GPM6B: variants seen among roughly 807,000 people sequenced by gnomAD.
GPM6B encodes neuronal membrane glycoprotein M6-b.
A neutral mutation model predicts 27.2 loss-of-function variants in GPM6B; 4 were observed. The observed-to-expected ratio is 0.15, with a 90% CI of 0.07 to 0.34. The LOEUF is 0.34. GPM6B is among the 10% of genes least tolerant of loss of function. The pLI is 1.00. For missense variants in GPM6B, 183 were observed against 261.9 expected (o/e 0.70, Z 2.08); for synonymous variants, 124 against 103.1 (o/e 1.20, Z -1.23).
At position 13,770,984 on chromosome X, in the gene GPM6B, ACTATTTCCAC is replaced by A. The variant is rs1470332654; in HGVS notation, c.*1887_*1896del. The A allele has an allele frequency of 8.9e-6, 1 of 112,693 alleles. No homozygotes were observed. Among genetic ancestry groups the A allele is most frequent in the Non-Finnish European group, 1.9e-5 (1 of 53,222 alleles). 9.3% of individuals were successfully genotyped at this position (112,693 alleles called of 1,213,427 possible). On this transcript the variant is annotated 3_prime_UTR_variant, in exon 8 of 8. Transcript: ENST00000316715. Reference sequence around the variant, plus strand: ...TTTCATTACTCTTAGTACATCCACAACTATTTCCACCTAAATAGATCTTTAAAATAAGCAT... The same window carrying A: ...TTTCATTACTCTTAGTACATCCACAACTAAATAGATCTTTAAAATAAGCAT...
intron 2 of GPM6B, among the ~76,000 whole-genome samples, chrX:13,789,508 G>A (rs1403845069): frequency 1.5e-4 from 17 of 112,105 alleles, no homozygotes; most frequent in African/African-American, 5.5e-4. Context: ...AGGCGCCGTG[G>A]CTCACGCCTG....
chrX:13,857,624 A>G (rs984515479), intron 1 of GPM6B, among the ~76,000 whole-genome samples: 4 of 112,625 alleles, frequency 3.6e-5, no homozygotes, highest in East Asian at 2.8e-4. Flanking sequence ...CATGTTTTAC[A>G]TAACTCAATA....
chrX:13,864,343 A>G (rs1258853806), intron 1 of GPM6B, among the ~76,000 whole-genome samples: 1 of 112,891 alleles, frequency 8.9e-6, no homozygotes, highest in Non-Finnish European at 1.9e-5. Flanking sequence ...CTCTTGTAGA[A>G]AGCACGTTAG....
intron 7 of GPM6B, 141 bp downstream of exon 7, chrX:13,776,097 G>A (rs2048408058): frequency 1.9e-6 from 1 of 514,010 alleles, no homozygotes; most frequent in Admixed American, 2.8e-5. Context: ...CATGTGGTAA[G>A]TTAACACAGG....
rs1395332792 is a variant in GPM6B, at chrX:13,926,345, T to G, written c.-198+11982A>C. Among the ~76,000 whole-genome samples the G allele has an allele frequency of 9.3e-5, 10 of 107,880 alleles. No individual in the cohort carries two copies. In the East Asian group the frequency reaches 2.9e-3, roughly 31 times the overall value. The allele number at this position is 107,880 out of a possible 115,157, so 93.7% of individuals were successfully genotyped here. A position where few individuals can be genotyped will look rare whatever the true frequency, so the allele number is the denominator to read the frequency against. ...ATGGCGTGAACCCAGGAGGCGGAGC[T>G]TGCAGTGAGCCCAGATTGCGCCACT... is the stretch of plus-strand genomic sequence containing the variant. On this transcript the variant is annotated intron_variant, in intron 1 of 6. Transcript: ENST00000398361.
intron 1 of GPM6B, among the ~76,000 whole-genome samples, chrX:13,833,441 A>G (rs1381414897): frequency 9.3e-6 from 1 of 107,713 alleles, no homozygotes; most frequent in Non-Finnish European, 1.9e-5. Context: ...TCAGCCAGGC[A>G]CTGTGGCTCA....
chrX:13,791,762 T>C (rs2048717777), intron 2 of GPM6B, among the ~76,000 whole-genome samples: 1 of 111,508 alleles, frequency 9.0e-6, no homozygotes, highest in African/African-American at 3.3e-5. Flanking sequence ...TGTGAGTTCA[T>C]AATGGCCAAG....
At chrX:13,901,970 G>A (rs745902859) in intron 1 of GPM6B, among the ~76,000 whole-genome samples, 1 of 112,121 alleles carries the variant, frequency 8.9e-6, no homozygotes, top group African/African-American at 3.2e-5. Flanking sequence ...ACAACACAAA[G>A]TTACACTAAA....
chrX:13,846,790 CTTTTT>C (rs10656571), intron 1 of GPM6B, among the ~76,000 whole-genome samples: 103 of 85,411 alleles, frequency 1.2e-3, no homozygotes, highest in African/African-American at 4.2e-3. Flanking sequence ...ACTGCGCCAG[CTTTTT>C]TTTTTTTTTT....
chrX:13,905,410 T>C (rs1480127928), intron 1 of GPM6B, among the ~76,000 whole-genome samples: 1 of 111,247 alleles, frequency 9.0e-6, no homozygotes, highest in African/African-American at 3.3e-5. Context: ...ACTCAGTGGC[T>C]GACGTGGAAT....
At chrX:13,915,674 A>AT (rs2050421552) in intron 1 of GPM6B, among the ~76,000 whole-genome samples, 1 of 112,244 alleles carries the variant, frequency 8.9e-6, no homozygotes, top group Non-Finnish European at 1.9e-5. Context: ...GACTCAGTAA[A>AT]TTTTTTTGCG....
At chrX:13,931,550 AAT>A (rs899004482) in intron 1 of GPM6B, among the ~76,000 whole-genome samples, 1 of 111,633 alleles carries the variant, frequency 9.0e-6, no homozygotes, top group African/African-American at 3.3e-5. Context: ...CGAGTAAATA[AAT>A]AGACATGGAA....
chrX:13,819,591 G>T (rs886131152), upstream of GPM6B, among the ~76,000 whole-genome samples: 1 of 112,158 alleles, frequency 8.9e-6, no homozygotes, highest in Non-Finnish European at 1.9e-5. Flanking sequence ...GCAGTTTCAC[G>T]TGGTTTGACT....
intron 1 of GPM6B, among the ~76,000 whole-genome samples, chrX:13,865,322 T>G (rs1353192642): frequency 9.1e-6 from 1 of 109,400 alleles, no homozygotes. Context: ...AAAGATCACA[T>G]GCACATGCGG....
intron 2 of GPM6B, among the ~76,000 whole-genome samples, chrX:13,795,432 T>G (rs2048791848): frequency 9.0e-6 from 1 of 111,385 alleles, no homozygotes; most frequent in Non-Finnish European, 1.9e-5. Context: ...ACTCCTCCAT[T>G]CTCCAAGCAC....
intron 1 of GPM6B, among the ~76,000 whole-genome samples, chrX:13,832,930 G>A (rs776340230): frequency 5.4e-5 from 6 of 112,007 alleles, no homozygotes; most frequent in Non-Finnish European, 9.4e-5. Flanking sequence ...TGTTTTCATA[G>A]CACAGAATCT....
chrX:13,799,167 A>G (rs928033388), intron 2 of GPM6B, among the ~76,000 whole-genome samples: 2 of 102,169 alleles, frequency 2.0e-5, no homozygotes, highest in East Asian at 6.1e-4. Flanking sequence ...AGATGATTCT[A>G]GAAACCTCGA....
chrX:13,919,930 A>G (rs1207656151), intron 1 of GPM6B, among the ~76,000 whole-genome samples: 1 of 111,043 alleles, frequency 9.0e-6, no homozygotes, highest in African/African-American at 3.3e-5. Flanking sequence ...TCCTTTGAAG[A>G]CTGGTCAGAA....
intron 2 of GPM6B, among the ~76,000 whole-genome samples, chrX:13,805,549 C>G (rs2147174367): frequency 8.9e-6 from 1 of 112,331 alleles, no homozygotes; most frequent in South Asian, 3.7e-4. Context: ...TTCAGAAAAA[C>G]AGAAAATGGA....
Sources: allele counts gnomAD v4.1 joint callset (sites outside exome capture counted in the v4.1 genomes callset), GRCh38; gene constraint gnomAD v4.1.1; transcripts MANE v1.5; gene names NCBI Gene and HGNC (gene_info 2026-07-23, HGNC 2026-07-21).